The following ATP8B4 variants were observed in gnomAD, a reference collection of about 807,000 sequenced individuals.
ATP8B4 encodes the protein ATPase phospholipid transporting 8B4 (putative).
A neutral mutation model predicts 145.6 loss-of-function variants in ATP8B4; 133 were observed. The observed-to-expected ratio is 0.91, with a 90% confidence interval of 0.79 to 1.05. ATP8B4 has a LOEUF of 1.05. Ranked by LOEUF, ATP8B4 falls within the 50% of genes least tolerant of loss-of-function variation. ATP8B4 has a pLI of 0.00. For missense variants in ATP8B4, 1,458 were observed against 1,425.2 expected (o/e 1.02, Z -0.37); for synonymous variants, 507 against 492.9 (o/e 1.03, Z -0.38).
intron 20 of ATP8B4, among the ~76,000 whole-genome samples, chr15:49,904,426 C>G (rs1436517971): frequency 6.6e-6 from 1 of 152,126 alleles, no homozygotes; most frequent in Non-Finnish European, 1.5e-5. Flanking sequence ...CAAAATAGAT[C>G]ATGAAAACTT....
chr15:50,124,399 A>G (rs11638799), intron 1 of ATP8B4, among the ~76,000 whole-genome samples: 46,633 of 151,896 alleles, frequency 0.31, 8,168 homozygotes, highest in Middle Eastern at 0.47. Context: ...AAGACTCACA[A>G]TTAAGTTTTA....
intron 13 of ATP8B4, 22 bp downstream of exon 13, chr15:49,972,559 GA>G (rs983817900): frequency 6.3e-7 from 1 of 1,596,836 alleles, no homozygotes; most frequent in Non-Finnish European, 8.6e-7. Flanking sequence ...ATATCGTTAA[GA>G]GAAAGGAACT....
intron 1 of ATP8B4, among the ~76,000 whole-genome samples, chr15:50,137,158 A>G (rs1356051872): frequency 1.3e-5 from 2 of 152,186 alleles, no homozygotes; most frequent in Non-Finnish European, 2.9e-5. Flanking sequence ...TTTAACGTCA[A>G]TCTTCCCAAA....
chr15:49,962,149 C>G (rs1047252959), intron 13 of ATP8B4, 129 bp from the exon 14 acceptor site: 1 of 676,094 alleles, frequency 1.5e-6, no homozygotes, highest in Admixed American at 3.7e-5. Flanking sequence ...TTTAAACAGG[C>G]GAATGGTTTT....
At chr15:50,170,556 A>C (rs1167580225) in intron 1 of ATP8B4, among the ~76,000 whole-genome samples, 1 of 142,152 alleles carries the variant, frequency 7.0e-6, no homozygotes, top group Non-Finnish European at 1.5e-5. Context: ...CAAATCCTGG[A>C]AACACATCAA....
At chr15:50,101,439 T>C (rs2056347648) in intron 2 of ATP8B4, among the ~76,000 whole-genome samples, 1 of 151,982 alleles carries the variant, frequency 6.6e-6, no homozygotes, top group Non-Finnish European at 1.5e-5. Flanking sequence ...CAGAAGTAGC[T>C]ATTCTCATAA....
intron 12 of ATP8B4, 141 bp downstream of exon 12, chr15:49,979,476 G>T: frequency 5.0e-6 from 3 of 598,488 alleles, no homozygotes; most frequent in South Asian, 4.7e-5. Context: ...CAGCTAAGCT[G>T]TCCCATTTGT....
chr15:50,172,791 C>T (rs1056377430), intron 1 of ATP8B4, among the ~76,000 whole-genome samples: 5 of 151,854 alleles, frequency 3.3e-5, no homozygotes, highest in African/African-American at 7.2e-5. Context: ...TCTGCCCGGC[C>T]GCGACCCTGT....
intron 2 of ATP8B4, among the ~76,000 whole-genome samples, chr15:50,106,618 C>T (rs1025646125): frequency 6.6e-6 from 1 of 152,142 alleles, no homozygotes; most frequent in Non-Finnish European, 1.5e-5. Flanking sequence ...TACGAAAGAA[C>T]ACATACTGTA....
At chr15:49,957,594 G>C (rs1198671877) in intron 14 of ATP8B4, among the ~76,000 whole-genome samples, 3 of 151,914 alleles carry the variant, frequency 2.0e-5, no homozygotes. Context: ...AAAATAAAAG[G>C]TGGGCAAATA....
intron 6 of ATP8B4, among the ~76,000 whole-genome samples, chr15:50,034,933 T>C (rs1287435639): frequency 6.6e-6 from 1 of 152,220 alleles, no homozygotes; most frequent in Admixed American, 6.5e-5. Flanking sequence ...GCCAACAGTA[T>C]CTTGTAGCCT....
At chr15:49,874,155 C>T (rs2034049905) in intron 25 of ATP8B4, among the ~76,000 whole-genome samples, 2 of 152,138 alleles carry the variant, frequency 1.3e-5, no homozygotes, top group Admixed American at 6.5e-5. Context: ...CCACTGCCTT[C>T]GTGAAGGTTA....
At chr15:49,860,955 C>T (rs1352544142) in intron 27 of ATP8B4, among the ~76,000 whole-genome samples, 1 of 152,104 alleles carries the variant, frequency 6.6e-6, no homozygotes, top group Non-Finnish European at 1.5e-5. Flanking sequence ...CATGAGACTT[C>T]CAGGGTTTTG....
intron 1 of ATP8B4, among the ~76,000 whole-genome samples, chr15:50,147,660 C>T (rs1389826730): frequency 2.0e-5 from 3 of 152,104 alleles, no homozygotes; most frequent in Non-Finnish European, 4.4e-5. Flanking sequence ...TGCTCAAAAG[C>T]TGATCGGGAC....
intron 1 of ATP8B4, among the ~76,000 whole-genome samples, chr15:50,149,696 A>G (rs982968152): frequency 2.0e-5 from 3 of 152,212 alleles, no homozygotes; most frequent in African/African-American, 4.8e-5. Flanking sequence ...AAAATAAATG[A>G]TATGTATTTG....
Position 50,078,295 on chromosome 15 carries a change from C to A in ATP8B4, c.29-4110G>T, listed in dbSNP as rs559158975. Among the ~76,000 whole-genome samples, 42 of 151,850 alleles carry A rather than the reference C, an allele frequency of 2.8e-4. 1 individual carries two copies. In the South Asian group the frequency reaches 8.1e-3, roughly 29 times the overall value. On this transcript the variant is annotated intron_variant, in intron 2 of 27. Transcript: ENST00000284509. ...TCCTGGGTTCAAACCGTCCTCTCAC[C>A]ACAACCTCCTGAATAGCTGGGACTG...
chr15:50,106,033 T>C (rs1323650816), intron 2 of ATP8B4, among the ~76,000 whole-genome samples: 1 of 152,210 alleles, frequency 6.6e-6, no homozygotes, highest in Admixed American at 6.5e-5. Flanking sequence ...GGGAACCACA[T>C]TGAGACAGAG....
chr15:50,058,338 T>C (rs2052754996), intron 3 of ATP8B4, among the ~76,000 whole-genome samples: 1 of 152,202 alleles, frequency 6.6e-6, no homozygotes, highest in Non-Finnish European at 1.5e-5. Context: ...ACTACAACTT[T>C]GGACAACTTA....
intron 21 of ATP8B4, 147 bp downstream of exon 21, chr15:49,900,944 CT>C (rs1256211267): frequency 2.9e-6 from 3 of 1,047,382 alleles, no homozygotes; most frequent in Non-Finnish European, 4.0e-6. Flanking sequence ...TTTCCTTTCC[CT>C]TTGCAAACAG....
Sources: gnomAD v4.1 joint callset for allele counts (sites outside exome capture counted in the v4.1 genomes callset) on GRCh38, gnomAD v4.1.1 for gene constraint, MANE v1.5 for transcripts, NCBI Gene and HGNC (gene_info 2026-07-23, HGNC 2026-07-21) for gene names.